PXDNL: variants seen among roughly 807,000 people sequenced by gnomAD.
PXDNL encodes peroxidasin like, also known as probable oxidoreductase PXDNL.
Under a neutral mutation model 150.8 loss-of-function variants are expected in PXDNL, and 145 were observed. The observed-to-expected ratio is 0.96, with a 90% CI of 0.84 to 1.10. PXDNL has a LOEUF of 1.10. Ranked by LOEUF, PXDNL falls within the 50% of genes least tolerant of loss-of-function variation. The pLI, the probability that PXDNL is intolerant of heterozygous loss-of-function variation, is 0.00. For missense variants in PXDNL, 2,087 were observed against 1,873.9 expected (o/e 1.11, Z -2.10); for synonymous variants, 757 against 725.7 (o/e 1.04, Z -0.69).
intron 1 of PXDNL, among the ~76,000 whole-genome samples, chr8:51,754,895 A>G (rs944536560): frequency 1.4e-4 from 21 of 152,176 alleles, no homozygotes; most frequent in Non-Finnish European, 2.9e-4. Context: ...ATTAAAAAAA[A>G]AATATTTTTT....
chr8:51,426,605 C>A, intron 13 of PXDNL, 41 bp downstream of exon 13: 1 of 1,131,494 alleles, frequency 8.8e-7, no homozygotes, highest in South Asian at 1.4e-5. Context: ...ATACATCTGT[C>A]AGTGTTTTTA....
intron 21 of PXDNL, among the ~76,000 whole-genome samples, chr8:51,339,223 G>T (rs1026703524): frequency 6.6e-6 from 1 of 152,168 alleles, no homozygotes; most frequent in African/African-American, 2.4e-5. Context: ...ACTTTGGGAG[G>T]CCAAGGAGGG....
intron 1 of PXDNL, among the ~76,000 whole-genome samples, chr8:51,708,437 A>G (rs17194882): frequency 0.023 from 3,527 of 152,372 alleles, 58 homozygotes; most frequent in Non-Finnish European, 0.032. Context: ...AGACTAAAAT[A>G]AAAAGAGAGT....
chr8:51,705,905 C>T (rs751618020), intron 1 of PXDNL, among the ~76,000 whole-genome samples: 1 of 152,086 alleles, frequency 6.6e-6, no homozygotes, highest in African/African-American at 2.4e-5. Context: ...TCATAATTTA[C>T]ATTTATTTAA....
intron 17 of PXDNL, among the ~76,000 whole-genome samples, chr8:51,385,591 G>GT (rs1807682637): frequency 6.6e-6 from 1 of 152,212 alleles, no homozygotes; most frequent in South Asian, 2.1e-4. Flanking sequence ...GCATAGGCCA[G>GT]TCAGAAGGCA....
In PXDNL at chr8:51,419,768, T is replaced by C. The variant is rs887191744; in HGVS notation, c.1795+3807A>G. 3.3e-5 allele frequency among the ~76,000 whole-genome samples: 5 copies of C among 152,338 alleles called. No individual in the cohort carries two copies. The South Asian group carries it at 8.3e-4, about 25-fold the overall frequency. On this transcript the variant is annotated intron_variant, in intron 14 of 22. Coordinates refer to ENST00000356297, the MANE Select transcript of PXDNL (RefSeq NM_144651.5). ...AAACAATAAATATATAAACATTTTA[T>C]CTAAATAAAATGTGTAGCATTTGGA...
At chr8:51,652,439 T>TCTCTCTCTCA (rs769715730) in intron 2 of PXDNL, among the ~76,000 whole-genome samples, 24 of 146,948 alleles carry the variant, frequency 1.6e-4, no homozygotes, top group African/African-American at 5.6e-4. Flanking sequence ...TCTCTCTCTC[T>TCTCTCTCTCA]CACACACACA....
intron 1 of PXDNL, among the ~76,000 whole-genome samples, chr8:51,734,949 A>C (rs1817002973): frequency 6.6e-6 from 1 of 152,204 alleles, no homozygotes; most frequent in Non-Finnish European, 1.5e-5. Context: ...ATTTTGGTTA[A>C]ACAGGAAGAA....
chr8:51,590,432 A>G (rs1441417802), intron 3 of PXDNL, among the ~76,000 whole-genome samples: 1 of 151,990 alleles, frequency 6.6e-6, no homozygotes, highest in Non-Finnish European at 1.5e-5. Context: ...CCGGCCTGGG[A>G]AGGTCATAGG....
chr8:51,692,811 A>T (rs1162024560), intron 1 of PXDNL, among the ~76,000 whole-genome samples: 1 of 152,242 alleles, frequency 6.6e-6, no homozygotes, highest in Admixed American at 6.5e-5. Context: ...TGCTTTAACA[A>T]ACAAGTAAAA....
chr8:51,716,543 A>G (rs1816620291), intron 1 of PXDNL, among the ~76,000 whole-genome samples: 1 of 152,208 alleles, frequency 6.6e-6, no homozygotes, highest in Non-Finnish European at 1.5e-5. Context: ...AGCCAAATGT[A>G]CCTTTAGTGA....
intron 4 of PXDNL, among the ~76,000 whole-genome samples, chr8:51,509,531 G>A (rs1227441663): frequency 6.6e-6 from 1 of 152,046 alleles, no homozygotes. Context: ...AACTTAGGGT[G>A]TTAGCAGCGG....
chr8:51,704,936 C>T (rs949331628), intron 1 of PXDNL, among the ~76,000 whole-genome samples: 2 of 152,160 alleles, frequency 1.3e-5, no homozygotes, highest in African/African-American at 4.8e-5. Flanking sequence ...AGCACCTACA[C>T]ATAAACACTT....
chr8:51,562,391 A>G (rs1012292556), intron 3 of PXDNL, among the ~76,000 whole-genome samples: 12 of 151,974 alleles, frequency 7.9e-5, no homozygotes, highest in African/African-American at 2.9e-4. Flanking sequence ...ATTCCAAAAA[A>G]TATTATGTGA....
At chr8:51,395,747 G>T (rs943410808) in intron 17 of PXDNL, among the ~76,000 whole-genome samples, 2 of 152,248 alleles carry the variant, frequency 1.3e-5, no homozygotes, top group South Asian at 4.2e-4. Context: ...GAAATAAATG[G>T]CTATGTTCCT....
intron 14 of PXDNL, among the ~76,000 whole-genome samples, chr8:51,418,509 A>G (rs1808861277): frequency 6.6e-6 from 1 of 152,230 alleles, no homozygotes; most frequent in African/African-American, 2.4e-5. Flanking sequence ...TGTCTACCCC[A>G]TGACAAATAT....
intron 2 of PXDNL, among the ~76,000 whole-genome samples, chr8:51,645,031 T>C (rs928982853): frequency 2.0e-5 from 3 of 151,848 alleles, no homozygotes; most frequent in Non-Finnish European, 4.4e-5. Flanking sequence ...AGAAGTCCCA[T>C]GATCTGCCCT....
intron 1 of PXDNL, among the ~76,000 whole-genome samples, chr8:51,764,403 T>A (rs1422668971): frequency 6.6e-6 from 1 of 151,642 alleles, no homozygotes; most frequent in African/African-American, 2.4e-5. Context: ...AGTGAAAGTT[T>A]ATTTATTTGA....
At chr8:51,626,995 T>C (rs1473251721) in intron 2 of PXDNL, among the ~76,000 whole-genome samples, 1 of 152,204 alleles carries the variant, frequency 6.6e-6, no homozygotes, top group Non-Finnish European at 1.5e-5. Context: ...TTTCTCACAA[T>C]AGAGATTAAA....
Sources: gnomAD v4.1 joint callset for allele counts (sites outside exome capture counted in the v4.1 genomes callset) on GRCh38, gnomAD v4.1.1 for gene constraint, MANE v1.5 for transcripts, NCBI Gene and HGNC (gene_info 2026-07-23, HGNC 2026-07-21) for gene names.